DSCAML1: variants seen among roughly 807,000 people sequenced by gnomAD.
DSCAML1 encodes cell adhesion molecule DSCAML1.
In DSCAML1, 38 loss-of-function variants were observed where a neutral mutation model predicts 200.5. The observed-to-expected ratio is 0.19, with a 90% CI of 0.15 to 0.25. The LOEUF is 0.25. Ranked by LOEUF, DSCAML1 falls within the 10% of genes least tolerant of loss-of-function variation. The probability of loss-of-function intolerance (pLI) is 1.00; values close to 1 mark genes in which losing one functional copy is unlikely to be tolerated. For synonymous variants in DSCAML1, 1,215 were observed against 1,165.0 expected (o/e 1.04, Z -0.87); for missense variants, 2,223 against 2,858.8 (o/e 0.78, Z 5.07).
At chr11:117,541,759 C>T (rs1380278808) in intron 3 of DSCAML1, among the ~76,000 whole-genome samples, 1 of 152,210 alleles carries the variant, frequency 6.6e-6, no homozygotes, top group African/African-American at 2.4e-5. Context: ...CCCAGCTGAG[C>T]CCATGTGGGC....
At chr11:117,604,245 A>G (rs2051520812) in intron 3 of DSCAML1, among the ~76,000 whole-genome samples, 2 of 151,972 alleles carry the variant, frequency 1.3e-5, no homozygotes, top group Admixed American at 6.6e-5. Context: ...GCATTCATCT[A>G]TTTGATGGAC....
intron 1 of DSCAML1, among the ~76,000 whole-genome samples, chr11:117,795,670 T>A (rs1179910753): frequency 6.6e-6 from 1 of 152,144 alleles, no homozygotes; most frequent in Non-Finnish European, 1.5e-5. Flanking sequence ...ATGCCAGCAG[T>A]ATCTGGGCCT....
At chr11:117,532,206 A>C (rs767837835) in intron 4 of DSCAML1, among the ~76,000 whole-genome samples, 170 bp downstream of exon 4, 3 of 152,138 alleles carry the variant, frequency 2.0e-5, no homozygotes, top group Non-Finnish European at 4.4e-5. Context: ...AAACATAGCA[A>C]AGAGGTCTTC....
In DSCAML1 at chr11:117,471,999, G is replaced by T; in HGVS notation, c.2823C>A (p.Ser941=). The T allele has an allele frequency of 6.2e-7, 1 of 1,614,144 alleles. No individual in the cohort carries two copies. Among genetic ancestry groups the T allele is most frequent in the Non-Finnish European group, 8.5e-7 (1 of 1,180,012 alleles). The change falls in exon 15 of 33, where the codon TCC becomes TCA. Residue 941 remains serine, a synonymous_variant. Transcript: ENST00000651296. Reference sequence around the variant, plus strand: ...CAATGTTGGCCTGGTTGATGGTGGGGGAGATGTTGCGTGTGGACTGCTTGA... The same window carrying T: ...CAATGTTGGCCTGGTTGATGGTGGGTGAGATGTTGCGTGTGGACTGCTTGA... ...WDFKQSTRNI[S]PTINQANIVD...
chr11:117,587,483 G>T (rs950146095), intron 3 of DSCAML1, among the ~76,000 whole-genome samples: 2 of 152,076 alleles, frequency 1.3e-5, no homozygotes, highest in Admixed American at 6.5e-5. Context: ...CCTGGTCCAG[G>T]CTGTGAAAGC....
intron 3 of DSCAML1, among the ~76,000 whole-genome samples, chr11:117,646,170 A>G (rs552088786): frequency 1.3e-5 from 2 of 151,848 alleles, no homozygotes; most frequent in East Asian, 3.9e-4. Flanking sequence ...TCAGAAAAAA[A>G]GTCCTCTGTC....
intron 3 of DSCAML1, among the ~76,000 whole-genome samples, chr11:117,638,380 TTGAGA>T (rs1261255451): frequency 6.6e-6 from 1 of 150,488 alleles, no homozygotes; most frequent in African/African-American, 2.4e-5. Context: ...AACCGCTCTG[TTGAGA>T]TATCATTCAC....
intron 3 of DSCAML1, among the ~76,000 whole-genome samples, chr11:117,616,651 G>A (rs1050668751): frequency 2.1e-4 from 32 of 152,122 alleles, no homozygotes; most frequent in African/African-American, 7.5e-4. Flanking sequence ...TGGGGAGGAG[G>A]GAGTTAGTGA....
intron 11 of DSCAML1, among the ~76,000 whole-genome samples, chr11:117,493,225 T>C (rs1371558744): frequency 1.3e-5 from 2 of 152,200 alleles, no homozygotes; most frequent in African/African-American, 2.4e-5. Flanking sequence ...CAGTCACCTC[T>C]TCTCTTGGCT....
chr11:117,609,311 C>CTTTTT (rs765168401), intron 3 of DSCAML1, among the ~76,000 whole-genome samples: 1 of 60,820 alleles, frequency 1.6e-5, no homozygotes, highest in Non-Finnish European at 3.1e-5. Flanking sequence ...TTCTTTCTTT[C>CTTTTT]TTTTTTTTTT....
chr11:117,541,366 ATG>A (rs1288622913), intron 3 of DSCAML1, among the ~76,000 whole-genome samples: 1 of 152,214 alleles, frequency 6.6e-6, no homozygotes, highest in African/African-American at 2.4e-5. Flanking sequence ...TTCACCCTGT[ATG>A]CCAGCTCCAG....
chr11:117,720,072 C>T (rs1233898466), intron 3 of DSCAML1, among the ~76,000 whole-genome samples: 1 of 151,896 alleles, frequency 6.6e-6, no homozygotes, highest in African/African-American at 2.4e-5. Context: ...GGCCCAGGCA[C>T]TGGATCTCTC....
chr11:117,471,691 A>G (rs2048688625), intron 15 of DSCAML1, among the ~76,000 whole-genome samples, 178 bp downstream of exon 15: 2 of 150,018 alleles, frequency 1.3e-5, no homozygotes, highest in Non-Finnish European at 2.9e-5. Context: ...CCGCTTGGAA[A>G]AGGGTCAAAT....
rs561406953 is a variant in DSCAML1 at position 117,451,389 on chromosome 11, T to G, written c.3569-701A>C. Among the ~76,000 whole-genome samples, 365 of 152,360 alleles carry G rather than the reference T, an allele frequency of 2.4e-3. 1 individual carries two copies. The highest frequency in any genetic ancestry group is 4.2e-3 in the Non-Finnish European group (283 of 68,028). ...TCCATTGTATGGTTGTGTACTTGTT[T>G]CCTTTCTAGAAACTTTTATGATCTT... On this transcript the variant is annotated intron_variant, in intron 19 of 32. Coordinates refer to ENST00000651296, the MANE Select transcript of DSCAML1 (RefSeq NM_020693.4).
At chr11:117,536,160 C>T (rs2137353288) in intron 3 of DSCAML1, among the ~76,000 whole-genome samples, 1 of 152,292 alleles carries the variant, frequency 6.6e-6, no homozygotes, top group South Asian at 2.1e-4. Flanking sequence ...TGTTAGTCCC[C>T]TTGGGGGGGC....
chr11:117,481,303 G>A (rs1289397545), intron 12 of DSCAML1, 33 bp from the exon 13 acceptor site: 2 of 1,605,768 alleles, frequency 1.2e-6, no homozygotes, highest in African/African-American at 2.7e-5. Flanking sequence ...AGGAGAGGGA[G>A]TAAACAGGGA....
chr11:117,500,030 C>T (rs978745922), intron 11 of DSCAML1, among the ~76,000 whole-genome samples: 2 of 152,218 alleles, frequency 1.3e-5, no homozygotes, highest in African/African-American at 4.8e-5. Context: ...TTCTCCCTGT[C>T]ACTCTCTGCC....
At chr11:117,672,088 G>A (rs974432974) in intron 3 of DSCAML1, among the ~76,000 whole-genome samples, 13 of 115,170 alleles carry the variant, frequency 1.1e-4, no homozygotes, top group African/African-American at 4.8e-4. Context: ...GCGACAGAGC[G>A]AGACTCCAGC....
intron 3 of DSCAML1, among the ~76,000 whole-genome samples, chr11:117,710,169 T>C (rs2053822235): frequency 6.6e-6 from 1 of 152,210 alleles, no homozygotes; most frequent in Non-Finnish European, 1.5e-5. Context: ...CTTGAGATCA[T>C]CGTTAAAGAT....
Sources: allele counts gnomAD v4.1 joint callset (sites outside exome capture counted in the v4.1 genomes callset), GRCh38; gene constraint gnomAD v4.1.1; transcripts MANE v1.5; gene names NCBI Gene and HGNC (gene_info 2026-07-23, HGNC 2026-07-21).